MYH15: variants seen among roughly 807,000 people sequenced by gnomAD.
MYH15 encodes myosin-15.
MYH15 carries 227 observed loss-of-function variants against 240.5 expected under a neutral mutation model. That is an observed-to-expected ratio of 0.94 (90% confidence interval 0.85 to 1.05). The LOEUF is 1.05. Among genes scored for constraint, MYH15 ranks in the 50% least tolerant of loss-of-function variants. The pLI, the probability that MYH15 is intolerant of heterozygous loss-of-function variation, is 0.00. For missense variants in MYH15, 2,217 were observed against 2,247.5 expected (o/e 0.99, Z 0.27); for synonymous variants, 785 against 796.7 (o/e 0.99, Z 0.25).
the MYH15 span, among the ~76,000 whole-genome samples, chr3:108,537,669 A>G: frequency 9.8e-5 from 15 of 152,316 alleles, no homozygotes; most frequent in East Asian, 2.3e-3. Context: ...ATTCCAGAAC[A>G]TAGTTTACAA....
chr3:108,404,309 A>G (rs1279701868), intron 33 of MYH15, among the ~76,000 whole-genome samples: 1 of 152,158 alleles, frequency 6.6e-6, no homozygotes, highest in African/African-American at 2.4e-5. Context: ...ACATGTTAAC[A>G]GGGTTTTTTT....
chr3:108,508,517 T>C (rs1255447198), intron 1 of MYH15, among the ~76,000 whole-genome samples: 3 of 152,214 alleles, frequency 2.0e-5, no homozygotes, highest in East Asian at 1.9e-4. Flanking sequence ...AAGTAGGCCT[T>C]TTTCTATATG....
chr3:108,420,893 T>C (rs960866505), intron 28 of MYH15, among the ~76,000 whole-genome samples, 195 bp downstream of exon 28: 2 of 152,108 alleles, frequency 1.3e-5, no homozygotes, highest in African/African-American at 4.8e-5. Flanking sequence ...AGGCAGGGGT[T>C]CCCAAGTGGC....
At chr3:108,456,452 C>T (rs2107578555) in intron 19 of MYH15, among the ~76,000 whole-genome samples, 1 of 152,286 alleles carries the variant, frequency 6.6e-6, no homozygotes, top group South Asian at 2.1e-4. Flanking sequence ...TGGATAGCAG[C>T]TACGATTAAG....
At chr3:108,446,185 C>T (rs988753766) in intron 21 of MYH15, among the ~76,000 whole-genome samples, 5 of 152,288 alleles carry the variant, frequency 3.3e-5, no homozygotes, top group Middle Eastern at 6.8e-3. Flanking sequence ...TAGATCCTAA[C>T]CACAGACTGA....
chr3:108,408,150 G>A (rs1576214241), intron 32 of MYH15, 130 bp downstream of exon 32: 1 of 1,011,990 alleles, frequency 9.9e-7, no homozygotes, highest in South Asian at 1.8e-5. Context: ...TTATGCATTT[G>A]GCAGAGTGCC....
At position 108,431,761 on chromosome 3, in the gene MYH15, T is replaced by C. The variant is rs370168397; in HGVS notation, c.3222-839A>G. ...GAGGGCTCAGAAGAAGAAAGGAAAA[T>C]GCGGAAAGTTTGAAACTCCCTAGAG... On this transcript the variant is annotated intron_variant, in intron 25 of 40. Coordinates refer to ENST00000693548, the MANE Select transcript of MYH15 (RefSeq NM_014981.3). 1.9e-3 allele frequency among the ~76,000 whole-genome samples: 293 copies of C among 152,200 alleles called. 9 individuals carry two copies. The South Asian group carries it at 0.058, about 30-fold the overall frequency.
intron 28 of MYH15, 60 bp downstream of exon 28, chr3:108,421,028 G>A: frequency 1.2e-6 from 2 of 1,604,926 alleles, no homozygotes; most frequent in Non-Finnish European, 1.7e-6. Flanking sequence ...TCTCAGTTGT[G>A]CCTTCATGAG....
intron 7 of MYH15, among the ~76,000 whole-genome samples, chr3:108,495,398 T>A (rs889608955): frequency 2.6e-5 from 4 of 152,214 alleles, no homozygotes; most frequent in African/African-American, 9.6e-5. Flanking sequence ...AAGTGCCTAC[T>A]AAACTGACTT....
chr3:108,519,838 T>C (rs1001893279), intron 1 of MYH15, among the ~76,000 whole-genome samples: 11 of 152,208 alleles, frequency 7.2e-5, no homozygotes, highest in Non-Finnish European at 1.3e-4. Flanking sequence ...AAAGATGATA[T>C]ATAAATTCAA....
At chr3:108,434,402 G>A (rs999895419) in intron 25 of MYH15, among the ~76,000 whole-genome samples, 6 of 151,530 alleles carry the variant, frequency 4.0e-5, no homozygotes, top group East Asian at 3.9e-4. Flanking sequence ...GGCTGGTCTC[G>A]AACTCCCAAC....
chr3:108,523,379 A>G (rs1056659345), intron 1 of MYH15, among the ~76,000 whole-genome samples: 1 of 152,034 alleles, frequency 6.6e-6, no homozygotes. Flanking sequence ...AATTAGATAT[A>G]TATCATACTG....
rs2083158041 is a variant in MYH15 at position 108,470,060 on chromosome 3, G to A, written c.1536C>T (p.Cys512=). The change falls in exon 14 of 41, where the codon TGC becomes TGT. Residue 512 remains cysteine, a synonymous_variant. Coordinates refer to ENST00000693548, the MANE Select transcript of MYH15 (RefSeq NM_014981.3). ...ATATTACCTTCTCAATGAGATCTATGCAAGCTTGCAAATCCAGACCAAAGC... is the reference window on the plus strand; with the variant it reads ...ATATTACCTTCTCAATGAGATCTATACAAGCTTGCAAATCCAGACCAAAGC... ...SIGFGLDLQA[C]IDLIEKPMGI... is the part of the protein sequence containing the mutation. 1 of 1,602,568 alleles carries A rather than the reference G, an allele frequency of 6.2e-7. No individual in the cohort carries two copies. The highest frequency in any genetic ancestry group is 8.5e-7 in the Non-Finnish European group (1 of 1,176,376).
intron 1 of MYH15, among the ~76,000 whole-genome samples, chr3:108,518,442 A>T (rs185364708): frequency 6.6e-6 from 1 of 152,298 alleles, no homozygotes; most frequent in Non-Finnish European, 1.5e-5. Flanking sequence ...GTATTCTCTC[A>T]GTCTCCCGAC....
intron 2 of MYH15, 57 bp downstream of exon 2, chr3:108,505,666 T>C (rs955010261): frequency 4.7e-5 from 44 of 940,648 alleles, no homozygotes; most frequent in Admixed American, 4.6e-4. Flanking sequence ...AAATAATATA[T>C]TTAGTTATTT....
chr3:108,547,476 G>A, the MYH15 span, among the ~76,000 whole-genome samples: 1 of 151,904 alleles, frequency 6.6e-6, no homozygotes, highest in Admixed American at 6.6e-5. Context: ...GATTTAAATA[G>A]GCAATTCTCA....
upstream of MYH15, among the ~76,000 whole-genome samples, chr3:108,532,782 G>C (rs1009468834): frequency 2.6e-5 from 4 of 152,164 alleles, no homozygotes; most frequent in African/African-American, 7.2e-5. Context: ...TGTTGTTTAA[G>C]AGAAGGCAGT....
At chr3:108,425,243 T>TG (rs1017957579) in intron 27 of MYH15, among the ~76,000 whole-genome samples, 8 of 152,160 alleles carry the variant, frequency 5.3e-5, no homozygotes, top group Non-Finnish European at 7.4e-5. Flanking sequence ...AACAAAGCAA[T>TG]GGGATCTAAA....
At chr3:108,477,907 T>C (rs2083234615) in intron 11 of MYH15, among the ~76,000 whole-genome samples, 1 of 152,058 alleles carries the variant, frequency 6.6e-6, no homozygotes, top group South Asian at 2.1e-4. Context: ...CAGGCAAAAA[T>C]TTATAAGCTT....
Sources: gnomAD v4.1 joint callset for allele counts (sites outside exome capture counted in the v4.1 genomes callset) on GRCh38, gnomAD v4.1.1 for gene constraint, MANE v1.5 for transcripts, NCBI Gene and HGNC (gene_info 2026-07-23, HGNC 2026-07-21) for gene names.